DNAJC5: variants seen among roughly 807,000 people sequenced by gnomAD.
DNAJC5 encodes DnaJ heat shock protein family (Hsp40) member C5, also known as dnaJ homolog subfamily C member 5.
Under a neutral mutation model 23.2 loss-of-function variants are expected in DNAJC5, and 1 was observed. That is an observed-to-expected ratio of 0.04 (90% confidence interval 0.02 to 0.20). The LOEUF (loss-of-function observed/expected upper bound fraction) is 0.20, where lower values mean the gene tolerates loss of function less well. Among genes scored for constraint, DNAJC5 ranks in the 10% least tolerant of loss-of-function variants. The probability of loss-of-function intolerance (pLI) is 1.00; values close to 1 mark genes in which losing one functional copy is unlikely to be tolerated. For synonymous variants in DNAJC5, 136 were observed against 120.0 expected (o/e 1.13, Z -0.87); for missense variants, 180 against 267.0 (o/e 0.67, Z 2.27).
chr20:63,922,669 C>T (rs1340259629), intron 1 of DNAJC5, among the ~76,000 whole-genome samples: 1 of 152,026 alleles, frequency 6.6e-6, no homozygotes, highest in East Asian at 1.9e-4. Flanking sequence ...ATTCAGGAGG[C>T]TGTGTTGGGA....
intron 3 of DNAJC5, among the ~76,000 whole-genome samples, chr20:63,930,440 C>T (rs1361210517): frequency 8.5e-5 from 13 of 152,180 alleles, no homozygotes; most frequent in Admixed American, 7.2e-4. Context: ...CTCCACCTCC[C>T]GGGTTCACGC....
intron 1 of DNAJC5, among the ~76,000 whole-genome samples, chr20:63,927,390 G>T (rs1308347392): frequency 6.6e-6 from 1 of 152,164 alleles, no homozygotes; most frequent in Non-Finnish European, 1.5e-5. Context: ...ACCAAAATTA[G>T]CTGGGTGTGG....
intron 1 of DNAJC5, among the ~76,000 whole-genome samples, chr20:63,926,849 T>C (rs915377214): frequency 1.4e-4 from 21 of 152,364 alleles, no homozygotes; most frequent in African/African-American, 4.8e-4. Context: ...CACCCTGAAG[T>C]CATGTTTCAT....
rs2053652554 is a variant in DNAJC5 at position 63,929,953 on chromosome 20, G to A, written c.321+428G>A. On this transcript the variant is annotated intron_variant, in intron 3 of 4. Coordinates refer to ENST00000360864, the MANE Select transcript of DNAJC5 (RefSeq NM_025219.3). The surrounding 1 kb of genome is among the most constrained non-coding windows in gnomAD (Gnocchi z 8.6). Reference sequence around the variant, plus strand: ...GCCATAGCGTACAGATTGTCCCAGGGAAGAGCCGTGCGGAGCCGCCAGGGT... The same window carrying A: ...GCCATAGCGTACAGATTGTCCCAGGAAAGAGCCGTGCGGAGCCGCCAGGGT... Among the ~76,000 whole-genome samples the A allele has an allele frequency of 6.6e-6, 1 of 151,966 alleles. No individual in the cohort carries two copies. Among genetic ancestry groups the A allele is most frequent in the Non-Finnish European group, 1.5e-5 (1 of 67,984 alleles).
At chr20:63,900,892 G>T (rs2053407180) in intron 1 of DNAJC5, among the ~76,000 whole-genome samples, 1 of 152,218 alleles carries the variant, frequency 6.6e-6, no homozygotes, top group African/African-American at 2.4e-5. Flanking sequence ...CATTGAACAT[G>T]TATCACCAGC....
chr20:63,928,664 G>A lies in DNAJC5; in HGVS notation c.107+212G>A, dbSNP rs1422075934. Reference sequence around the variant, plus strand: ...CATGTTCTCTTGCCAACAAAAAATAGCACTTAGTAGAAACTGACACACTGT... The same window carrying A: ...CATGTTCTCTTGCCAACAAAAAATAACACTTAGTAGAAACTGACACACTGT... On this transcript the variant is annotated intron_variant, in intron 2 of 4. Transcript: ENST00000360864. The surrounding 1 kb of genome is among the most constrained non-coding windows in gnomAD (Gnocchi z 4.6). 6.6e-6 allele frequency among the ~76,000 whole-genome samples: 1 copy of A among 152,178 alleles called. No homozygotes were observed. Among genetic ancestry groups the A allele is most frequent in the Non-Finnish European group, 1.5e-5 (1 of 68,034 alleles).
At chr20:63,918,424 CT>C (rs1353713966) in intron 1 of DNAJC5, among the ~76,000 whole-genome samples, 4 of 152,052 alleles carry the variant, frequency 2.6e-5, no homozygotes, top group African/African-American at 9.7e-5. Context: ...AAAATTAAAA[CT>C]AATTAGCGTT....
At chr20:63,927,591 C>A (rs1483099094) in intron 1 of DNAJC5, among the ~76,000 whole-genome samples, 1 of 151,724 alleles carries the variant, frequency 6.6e-6, no homozygotes, top group South Asian at 2.1e-4. Context: ...GTTGGGTGTT[C>A]TGTGAAGATC....
Position 63,896,144 on chromosome 20 carries a change from C to T in DNAJC5, c.-12+821C>T, listed in dbSNP as rs528852957. 1.6e-4 allele frequency among the ~76,000 whole-genome samples: 25 copies of T among 152,260 alleles called. No individual in the cohort carries two copies. In the East Asian group the frequency reaches 1.9e-3, roughly 12 times the overall value. On this transcript the variant is annotated intron_variant, in intron 1 of 4. Coordinates refer to ENST00000360864, the MANE Select transcript of DNAJC5 (RefSeq NM_025219.3). ...GCCCTTATTTGCCTGTTTAGAAAAA[C>T]CTATTCTAATGACAAAAACAGTTAC...
chr20:63,915,706 G>C (rs1173437990), intron 1 of DNAJC5, among the ~76,000 whole-genome samples: 1 of 152,218 alleles, frequency 6.6e-6, no homozygotes, highest in East Asian at 1.9e-4. Context: ...GCAGTCCTCA[G>C]AGAGCAGTTG....
At chr20:63,916,809 G>T (rs1263268011) in intron 1 of DNAJC5, among the ~76,000 whole-genome samples, 2 of 152,134 alleles carry the variant, frequency 1.3e-5, no homozygotes, top group Non-Finnish European at 2.9e-5. Flanking sequence ...ATTAATTCTT[G>T]CTAGGAAAAG....
intron 1 of DNAJC5, among the ~76,000 whole-genome samples, chr20:63,902,079 G>A (rs1023799954): frequency 4.6e-5 from 7 of 151,940 alleles, no homozygotes; most frequent in Non-Finnish European, 8.8e-5. Context: ...GTGGGGGACA[G>A]AGTCTTGTGC....
intron 1 of DNAJC5, among the ~76,000 whole-genome samples, chr20:63,924,799 A>G (rs1241203737): frequency 6.6e-6 from 1 of 152,082 alleles, no homozygotes; most frequent in Non-Finnish European, 1.5e-5. Flanking sequence ...ATGACTTAGG[A>G]TTTTTCTTCT....
intron 1 of DNAJC5, among the ~76,000 whole-genome samples, chr20:63,925,641 A>G (rs2053606472): frequency 6.6e-6 from 1 of 151,538 alleles, no homozygotes; most frequent in Non-Finnish European, 1.5e-5. Flanking sequence ...TTTGGCTTGG[A>G]GGTGGGTTTC....
chr20:63,930,128 T>C (rs1162712405), intron 3 of DNAJC5, among the ~76,000 whole-genome samples: 1 of 152,242 alleles, frequency 6.6e-6, no homozygotes, highest in African/African-American at 2.4e-5. Flanking sequence ...GTGAGAAGCC[T>C]GTATTTGGCT....
rs538833554 is a variant in DNAJC5 at position 63,914,693 on chromosome 20, G to A, written c.-11-13642G>A. Among the ~76,000 whole-genome samples, 14 of 148,778 alleles carry A rather than the reference G, an allele frequency of 9.4e-5. No individual in the cohort carries two copies. In the South Asian group the frequency reaches 2.3e-3, roughly 25 times the overall value. On this transcript the variant is annotated intron_variant, in intron 1 of 4. Transcript: ENST00000360864. The stretch of plus-strand genomic sequence containing the variant: ...TGTGGTGGCGTGATCTTGGCTCACT[G>A]CAGCCTCCACCTCCCTAGTTCAAAC...
chr20:63,930,386 T>C (rs926503579), intron 3 of DNAJC5, among the ~76,000 whole-genome samples: 15 of 152,092 alleles, frequency 9.9e-5, no homozygotes, highest in African/African-American at 3.6e-4. Flanking sequence ...CTCGCTCTGT[T>C]TCCCAGGCTG....
chr20:63,933,692 T>C lies in DNAJC5; in HGVS notation c.*2124T>C, dbSNP rs1015184017. On this transcript the variant is annotated 3_prime_UTR_variant, in exon 5 of 5. Transcript: ENST00000360864. The stretch of plus-strand genomic sequence containing the variant: ...ACTCAGCCTTTGCAATTTTTGTAGA[T>C]GTAGCTTAGGACGTGAGTTATTTTT... 6 of 152,364 alleles carry C rather than the reference T, an allele frequency of 3.9e-5. No homozygotes were observed. Among genetic ancestry groups the C allele is most frequent in the South Asian group, 2.1e-4 (1 of 4,824 alleles). The allele number at this position is 152,364 out of a possible 1,614,324, so 9.4% of individuals were successfully genotyped here.
At chr20:63,898,349 A>G (rs1245424332) in intron 1 of DNAJC5, among the ~76,000 whole-genome samples, 2 of 152,206 alleles carry the variant, frequency 1.3e-5, no homozygotes, top group African/African-American at 4.8e-5. Flanking sequence ...TGTGATACCC[A>G]GTTAGGAGTA....
Sources: allele counts gnomAD v4.1 joint callset (sites outside exome capture counted in the v4.1 genomes callset), GRCh38; gene constraint gnomAD v4.1.1; non-coding constraint Gnocchi (gnomAD v3.1); transcripts MANE v1.5; gene names NCBI Gene and HGNC (gene_info 2026-07-23, HGNC 2026-07-21).